Variants in TBCE observed in about 807,000 individuals in gnomAD.
The protein encoded by TBCE is tubulin-specific chaperone E.
A neutral mutation model predicts 77.0 loss-of-function variants in TBCE; 53 were observed. The ratio of observed to expected loss-of-function variants is 0.69; its 90% CI spans 0.55 to 0.87. TBCE has a LOEUF of 0.87. Among genes scored for constraint, TBCE ranks in the 40% least tolerant of loss-of-function variants. TBCE has a pLI of 0.00. For synonymous variants in TBCE, 235 were observed against 241.3 expected (o/e 0.97, Z 0.24); for missense variants, 624 against 622.4 (o/e 1.00, Z -0.03).
intron 6 of TBCE, chr1:235,429,374 T>C (rs1483786708): frequency 6.6e-6 from 1 of 152,214 alleles, no homozygotes; most frequent in Non-Finnish European, 1.5e-5. Flanking sequence ...GAATAAGGAA[T>C]GTGTTTTAAC....
In TBCE at chr1:235,448,806, T is replaced by G. The variant is rs776090134; in HGVS notation, c.*44T>G. On this transcript the variant is annotated 3_prime_UTR_variant, in exon 17 of 17. Transcript: ENST00000642610. ...TAAAGACCACACTGCTTATCGTGTC[T>G]GGGGTTCACCGGAAATAAATGATTC... 1.7e-5 allele frequency: 23 copies of G among 1,360,610 alleles called. No homozygotes were observed. The African/African-American group carries it at 2.6e-4, about 15-fold the overall frequency. The allele number at this position is 1,360,610 out of a possible 1,614,324, so 84.3% of individuals were successfully genotyped here. A position where few individuals can be genotyped will look rare whatever the true frequency, so the allele number is the denominator to read the frequency against.
chr1:235,444,868 T>G (rs1682139371), intron 15 of TBCE, among the ~76,000 whole-genome samples: 1 of 152,252 alleles, frequency 6.6e-6, no homozygotes, highest in South Asian at 2.1e-4. Context: ...TTTTCAGTCT[T>G]TCTCTGGAAG....
At chr1:235,440,115 C>A (rs571821144) in intron 13 of TBCE, among the ~76,000 whole-genome samples, 4 of 152,136 alleles carry the variant, frequency 2.6e-5, no homozygotes, top group Admixed American at 6.5e-5. Flanking sequence ...GGACTACAGG[C>A]GCCCACCACC....
intron 1 of TBCE, among the ~76,000 whole-genome samples, chr1:235,375,769 G>A (rs894829954): frequency 4.6e-5 from 7 of 152,066 alleles, no homozygotes; most frequent in Non-Finnish European, 1.0e-4. Flanking sequence ...GAGGCTGGGC[G>A]CAGAGGTTCA....
chr1:235,406,470 A>G (rs1215819982), intron 3 of TBCE, among the ~76,000 whole-genome samples: 10 of 152,268 alleles, frequency 6.6e-5, no homozygotes, highest in Admixed American at 6.5e-4. Flanking sequence ...AGTTCAGGGC[A>G]TCCGCACAGA....
rs562932013 is a variant in TBCE, at chr1:235,441,727, T to C, written c.1271-87T>C. Reference sequence around the variant, plus strand: ...GGAAAGGCACAGGCTCTCTGGACGCTTACCTATCCTTTGTTTGTTTGTTTG... The same window carrying C: ...GGAAAGGCACAGGCTCTCTGGACGCCTACCTATCCTTTGTTTGTTTGTTTG... On this transcript the variant is annotated intron_variant, in intron 13 of 16. Transcript: ENST00000642610. The C allele has an allele frequency of 5.5e-6, 7 of 1,266,224 alleles. No homozygotes were observed. In the African/African-American group the frequency reaches 8.8e-5, roughly 16 times the overall value. The allele number at this position is 1,266,224 out of a possible 1,614,324, so 78.4% of individuals were successfully genotyped here.
chr1:235,433,080 G>A, intron 7 of TBCE: 1 of 1,551,192 alleles, frequency 6.4e-7, no homozygotes, highest in Non-Finnish European at 8.6e-7. Context: ...ACACATCCAT[G>A]CGGATGAACG....
chr1:235,404,960 CT>C (rs71174427), intron 3 of TBCE, among the ~76,000 whole-genome samples: 16,467 of 125,912 alleles, frequency 0.13, 977 homozygotes, highest in African/African-American at 0.22. Context: ...ATGCCCGGTA[CT>C]TTTTTTTTTT....
chr1:235,375,065 C>T (rs1257873140), intron 1 of TBCE, among the ~76,000 whole-genome samples: 1 of 149,868 alleles, frequency 6.7e-6, no homozygotes. Flanking sequence ...GGACTACAGG[C>T]GCCCACCACC....
chr1:235,412,342 T>G (rs1177634260), intron 3 of TBCE, among the ~76,000 whole-genome samples: 1 of 139,892 alleles, frequency 7.1e-6, no homozygotes. Flanking sequence ...GCAATTCTCT[T>G]GCCTCATACT....
rs1242046793 is a variant in TBCE, at chr1:235,431,798, A to G, written c.660+994A>G. On this transcript the variant is annotated intron_variant, in intron 7 of 16. Transcript: ENST00000642610. ...AGTGATTCTTCCGCGTCAGCCTCTCAGGTAGCTGGGATTACAGGCATGTAC... is the reference window on the plus strand; with the variant it reads ...AGTGATTCTTCCGCGTCAGCCTCTCGGGTAGCTGGGATTACAGGCATGTAC... Among the ~76,000 whole-genome samples, 3 of 150,218 alleles carry G rather than the reference A, an allele frequency of 2.0e-5. No individual in the cohort carries two copies. The Admixed American group carries it at 2.0e-4, about 10-fold the overall frequency.
chr1:235,373,878 T>G (rs1179132941), intron 1 of TBCE, among the ~76,000 whole-genome samples: 2 of 145,972 alleles, frequency 1.4e-5, no homozygotes, highest in Non-Finnish European at 3.0e-5. Flanking sequence ...CTCGATCTCC[T>G]GACCTCGTGA....
chr1:235,441,756 T>TTTTTATA (rs1681890476), intron 13 of TBCE, 58 bp from the exon 14 acceptor site: 1 of 1,511,420 alleles, frequency 6.6e-7, no homozygotes, highest in African/African-American at 1.4e-5. Context: ...TTGTTTGTTT[T>TTTTTATA]GTTTTTACTT....
At chr1:235,395,858 T>C (rs867744522) in intron 2 of TBCE, among the ~76,000 whole-genome samples, 1 of 152,058 alleles carries the variant, frequency 6.6e-6, no homozygotes, top group African/African-American at 2.4e-5. Flanking sequence ...TTCTACTTGC[T>C]ATCTCCATGA....
chr1:235,368,355 A>T (rs759977431), intron 1 of TBCE, among the ~76,000 whole-genome samples: 9 of 152,108 alleles, frequency 5.9e-5, no homozygotes, highest in Non-Finnish European at 1.3e-4. Flanking sequence ...TGTTAGAGAA[A>T]GTTAGTGGAG....
intron 2 of TBCE, among the ~76,000 whole-genome samples, chr1:235,392,757 T>G (rs72759717): frequency 0.16 from 24,850 of 151,956 alleles, 2,821 homozygotes; most frequent in African/African-American, 0.32. Flanking sequence ...AAAACTTGAT[T>G]CTATTTCACA....
At chr1:235,439,435 G>A (rs1681686782) in intron 13 of TBCE, among the ~76,000 whole-genome samples, 1 of 151,436 alleles carries the variant, frequency 6.6e-6, no homozygotes. Context: ...GGCGGAGCTT[G>A]CAGTGAGCCG....
chr1:235,430,578 A>C lies in TBCE; in HGVS notation c.561-127A>C, dbSNP rs1681028783. ...ATTAAAAAAGTGATTTTTAAAATAT[A>C]ATTCCATTTTAAGATTGAAACAAAT... is the stretch of plus-strand genomic sequence containing the variant. On this transcript the variant is annotated intron_variant, in intron 6 of 16. Coordinates refer to ENST00000642610, the MANE Select transcript of TBCE (RefSeq NM_003193.5). 14 of 668,716 alleles carry C rather than the reference A, an allele frequency of 2.1e-5. No homozygotes were observed. In the South Asian group the frequency reaches 2.5e-4, roughly 12 times the overall value. The allele number at this position is 668,716 out of a possible 1,614,324, so 41.4% of individuals were successfully genotyped here.
intron 9 of TBCE, 39 bp from the exon 10 acceptor site, chr1:235,436,347 A>T (rs1219396603): frequency 2.5e-6 from 4 of 1,595,952 alleles, no homozygotes; most frequent in Non-Finnish European, 3.4e-6. Context: ...AGCATTTTAC[A>T]TTGTTCTGTG....
Sources: allele counts gnomAD v4.1 joint callset (sites outside exome capture counted in the v4.1 genomes callset), GRCh38; gene constraint gnomAD v4.1.1; transcripts MANE v1.5; gene names NCBI Gene and HGNC (gene_info 2026-07-23, HGNC 2026-07-21).